The following THSD4 variants were observed in gnomAD, a reference collection of about 807,000 sequenced individuals.
THSD4 encodes the protein thrombospondin type-1 domain-containing protein 4.
A neutral mutation model predicts 119.0 loss-of-function variants in THSD4; 69 were observed. That is an observed-to-expected ratio of 0.58 (90% CI 0.48 to 0.71). THSD4 has a LOEUF of 0.71. Among genes scored for constraint, THSD4 ranks in the 30% least tolerant of loss-of-function variants. The pLI, the probability that THSD4 is intolerant of heterozygous loss-of-function variation, is 0.00. For synonymous variants in THSD4, 524 were observed against 540.4 expected (o/e 0.97, Z 0.42); for missense variants, 1,393 against 1,391.1 (o/e 1.00, Z -0.02).
intron 7 of THSD4, among the ~76,000 whole-genome samples, chr15:71,571,816 GTCC>G (rs1282710742): frequency 6.6e-6 from 1 of 152,166 alleles, no homozygotes; most frequent in African/African-American, 2.4e-5. Flanking sequence ...GTGGCCATCT[GTCC>G]TCCTTCATGA....
intron 3 of THSD4, among the ~76,000 whole-genome samples, chr15:71,188,610 G>T (rs897814775): frequency 6.6e-6 from 1 of 152,138 alleles, no homozygotes; most frequent in Admixed American, 6.5e-5. Flanking sequence ...ACACCATGCT[G>T]CCTGCCCCTC....
At chr15:71,666,498 T>A (rs1023085949) in intron 8 of THSD4, among the ~76,000 whole-genome samples, 4 of 152,158 alleles carry the variant, frequency 2.6e-5, no homozygotes, top group Non-Finnish European at 5.9e-5. Context: ...TTAATAACAG[T>A]AGTCATACCA....
chr15:71,279,908 G>A (rs2044632532), intron 6 of THSD4, among the ~76,000 whole-genome samples: 1 of 152,210 alleles, frequency 6.6e-6, no homozygotes, highest in Non-Finnish European at 1.5e-5. Flanking sequence ...CACAACCTCA[G>A]TGCAAAAGCC....
intron 7 of THSD4, among the ~76,000 whole-genome samples, chr15:71,487,459 G>A (rs529559601): frequency 6.6e-6 from 1 of 152,278 alleles, no homozygotes; most frequent in Admixed American, 6.5e-5. Flanking sequence ...CCTTTTCTAA[G>A]TCTCGGGATA....
chr15:71,348,300 T>A (rs1312007686), intron 6 of THSD4: 2 of 152,216 alleles, frequency 1.3e-5, no homozygotes, highest in Non-Finnish European at 2.9e-5. Flanking sequence ...CAGGTTCTGA[T>A]TCAGTAGGTC....
At chr15:71,762,527 T>C (rs1025694317) in intron 15 of THSD4, among the ~76,000 whole-genome samples, 1 of 152,222 alleles carries the variant, frequency 6.6e-6, no homozygotes, top group Non-Finnish European at 1.5e-5. Context: ...TTAGCGACAC[T>C]GTCTAGACTC....
intron 3 of THSD4, among the ~76,000 whole-genome samples, chr15:71,171,351 C>T (rs959771796): frequency 3.9e-5 from 6 of 152,156 alleles, no homozygotes; most frequent in African/African-American, 1.4e-4. Flanking sequence ...TCTCTGCCTC[C>T]TGTCATTCAT....
rs553132020 is a variant in THSD4, at chr15:71,357,339, T to C, written c.1016-54348T>C. Reference sequence around the variant, plus strand: ...TGCTCTAGACCCCATCGCTGAGGTGTTGCTGAGAGGGCTGGGCTGGGAGGC... The same window carrying C: ...TGCTCTAGACCCCATCGCTGAGGTGCTGCTGAGAGGGCTGGGCTGGGAGGC... On this transcript the variant is annotated intron_variant, in intron 6 of 17. Coordinates refer to ENST00000261862, the MANE Select transcript of THSD4 (RefSeq NM_024817.3). 3.3e-5 allele frequency among the ~76,000 whole-genome samples: 5 copies of C among 152,296 alleles called. No homozygotes were observed. In the Middle Eastern group the frequency reaches 0.014, roughly 414 times the overall value.
At chr15:71,217,414 G>A (rs1356417083) in intron 4 of THSD4, among the ~76,000 whole-genome samples, 1 of 151,978 alleles carries the variant, frequency 6.6e-6, no homozygotes, top group Non-Finnish European at 1.5e-5. Context: ...TCAGGAGATC[G>A]AGACCATCCT....
rs148972125 is a variant in THSD4 at position 71,629,420 on chromosome 15, C to G, written c.1153-31110C>G. 2.9e-3 allele frequency among the ~76,000 whole-genome samples: 442 copies of G among 152,306 alleles called. 1 individual carries two copies. Among genetic ancestry groups the G allele is most frequent in the African/African-American group, 0.01 (419 of 41,570 alleles). On this transcript the variant is annotated intron_variant, in intron 7 of 17. Transcript: ENST00000261862. ...TGGCAGTGTGGACCCTGCTTCAAGA[C>G]AGAAGAGCCAGTGGGACCCTGAGGG...
chr15:71,172,702 T>TATATATATATATATGTGAC (rs2043388074), intron 3 of THSD4, among the ~76,000 whole-genome samples: 1 of 103,052 alleles, frequency 9.7e-6, no homozygotes, highest in African/African-American at 5.0e-5. Flanking sequence ...TATATATATA[T>TATATATATATATATGTGAC]ATATATATAT....
chr15:71,694,457 T>C (rs1473621025), intron 8 of THSD4, among the ~76,000 whole-genome samples: 2 of 152,240 alleles, frequency 1.3e-5, no homozygotes, highest in Non-Finnish European at 2.9e-5. Flanking sequence ...GCAAGGATTA[T>C]ACATTTTCCT....
chr15:71,606,786 T>A (rs1366570891), intron 7 of THSD4, among the ~76,000 whole-genome samples: 1 of 152,164 alleles, frequency 6.6e-6, no homozygotes, highest in Non-Finnish European at 1.5e-5. Flanking sequence ...GTGATCCACC[T>A]GCCTCAGCCT....
At chr15:71,595,163 A>T (rs1389684109) in intron 7 of THSD4, among the ~76,000 whole-genome samples, 1 of 152,178 alleles carries the variant, frequency 6.6e-6, no homozygotes, top group Non-Finnish European at 1.5e-5. Flanking sequence ...TATACAAGTA[A>T]TGGGTGATTG....
chr15:71,423,026 A>G (rs955582866), intron 7 of THSD4, among the ~76,000 whole-genome samples: 1 of 152,148 alleles, frequency 6.6e-6, no homozygotes, highest in African/African-American at 2.4e-5. Flanking sequence ...TCGAGGACCA[A>G]CTGGTCTGTA....
At chr15:71,457,001 A>G (rs1421465199) in intron 7 of THSD4, among the ~76,000 whole-genome samples, 1 of 152,092 alleles carries the variant, frequency 6.6e-6, no homozygotes, top group Non-Finnish European at 1.5e-5. Flanking sequence ...ACTTTGTCTC[A>G]TTGAGAGAAC....
intron 1 of THSD4, among the ~76,000 whole-genome samples, chr15:71,123,004 C>T (rs1285894917): frequency 6.6e-6 from 1 of 152,170 alleles, no homozygotes; most frequent in Non-Finnish European, 1.5e-5. Context: ...AGAACAGGTG[C>T]TTGTTTTCTG....
chr15:71,242,836 GT>G lies in THSD4; in HGVS notation c.653del (p.Val218AlafsTer30). The G allele has an allele frequency of 6.2e-7, 1 of 1,614,174 alleles. No individual in the cohort carries two copies. Among genetic ancestry groups the G allele is most frequent in the Non-Finnish European group, 8.5e-7 (1 of 1,180,028 alleles). On this transcript the variant is annotated frameshift_variant, in exon 5 of 18. Coordinates refer to ENST00000261862, the MANE Select transcript of THSD4 (RefSeq NM_024817.3). LOFTEE classifies it high-confidence loss of function. ...RHGYSSPAHQ[V>X]PQHGPLYQSD... Reference sequence around the variant, plus strand: ...TGGCTACAGTTCACCAGCCCACCAGGTCCCCCAACATGGGCCTTTGTACCAA... The same window carrying G: ...TGGCTACAGTTCACCAGCCCACCAGGCCCCCAACATGGGCCTTTGTACCAA...
intron 4 of THSD4, among the ~76,000 whole-genome samples, chr15:71,226,967 C>G (rs1006141280): frequency 6.6e-6 from 1 of 152,154 alleles, no homozygotes; most frequent in Non-Finnish European, 1.5e-5. Context: ...CACTTAGTCC[C>G]TGAATCGTTT....
Sources: gnomAD v4.1 joint callset for allele counts (sites outside exome capture counted in the v4.1 genomes callset) on GRCh38, gnomAD v4.1.1 for gene constraint, MANE v1.5 for transcripts, NCBI Gene and HGNC (gene_info 2026-07-23, HGNC 2026-07-21) for gene names.